Variants in NAV3 observed in about 807,000 individuals in gnomAD.
NAV3 encodes the protein pore membrane and/or filament interacting like protein 1.
Under a neutral mutation model 244.7 loss-of-function variants are expected in NAV3, and 87 were observed. That is an observed-to-expected ratio of 0.36 (90% CI 0.30 to 0.42). The LOEUF is 0.42. Among genes scored for constraint, NAV3 ranks in the 20% least tolerant of loss-of-function variants. NAV3 has a pLI of 1.00. For missense variants in NAV3, 2,663 were observed against 2,893.3 expected (o/e 0.92, Z 1.83); for synonymous variants, 1,126 against 1,042.2 (o/e 1.08, Z -1.55).
chr12:77,790,032 G>A (rs972513278), intron 2 of NAV3, among the ~76,000 whole-genome samples: 2 of 152,060 alleles, frequency 1.3e-5, no homozygotes, highest in African/African-American at 4.8e-5. Flanking sequence ...AACCTTTTGA[G>A]ACGTGGCAAG....
chr12:78,064,759 T>A (rs1884808296), intron 12 of NAV3, among the ~76,000 whole-genome samples: 1 of 152,070 alleles, frequency 6.6e-6, no homozygotes, highest in South Asian at 2.1e-4. Flanking sequence ...TAATCATATA[T>A]ATAATCTAGA....
chr12:78,034,697 T>G (rs555759083), intron 9 of NAV3, among the ~76,000 whole-genome samples: 1 of 152,188 alleles, frequency 6.6e-6, no homozygotes, highest in African/African-American at 2.4e-5. Flanking sequence ...ACATTGAAAT[T>G]TCATAATTTG....
chr12:77,963,611 C>A (rs1033970196), intron 3 of NAV3, among the ~76,000 whole-genome samples: 1 of 152,004 alleles, frequency 6.6e-6, no homozygotes, highest in Non-Finnish European at 1.5e-5. Flanking sequence ...AATGAACTAG[C>A]CTTTAATAGT....
intron 2 of NAV3, among the ~76,000 whole-genome samples, chr12:77,763,153 G>C (rs1012315527): frequency 6.6e-6 from 1 of 152,166 alleles, no homozygotes; most frequent in African/African-American, 2.4e-5. Context: ...CTGCCTCCAG[G>C]AGAGAAGAGG....
At chr12:77,969,409 T>A (rs1440167145) in intron 5 of NAV3, among the ~76,000 whole-genome samples, 1 of 152,158 alleles carries the variant, frequency 6.6e-6, no homozygotes, top group Non-Finnish European at 1.5e-5. Flanking sequence ...TGGTTTAGCA[T>A]GATTGAGCAT....
intron 2 of NAV3, among the ~76,000 whole-genome samples, chr12:77,675,539 C>T (rs1467948389): frequency 6.6e-6 from 1 of 152,190 alleles, no homozygotes; most frequent in African/African-American, 2.4e-5. Context: ...AGATTAGATT[C>T]CCATTTGACT....
intron 11 of NAV3, among the ~76,000 whole-genome samples, chr12:78,053,796 A>G (rs1883109153): frequency 6.6e-6 from 1 of 152,210 alleles, no homozygotes; most frequent in South Asian, 2.1e-4. Flanking sequence ...GAAACGTCTG[A>G]GACTCATTTT....
At chr12:77,995,890 C>A (rs1301028069) in intron 6 of NAV3, among the ~76,000 whole-genome samples, 1 of 151,958 alleles carries the variant, frequency 6.6e-6, no homozygotes, top group African/African-American at 2.4e-5. Flanking sequence ...TTTTTAAGTA[C>A]TGTATTTTGA....
intron 2 of NAV3, among the ~76,000 whole-genome samples, chr12:77,801,416 G>A (rs1022155081): frequency 1.6e-4 from 24 of 151,910 alleles, no homozygotes; most frequent in Admixed American, 2.6e-4. Flanking sequence ...TAACATTTAT[G>A]TGCATCTCTC....
intron 2 of NAV3, 27 bp downstream of exon 2, chr12:77,940,463 A>T: frequency 1.3e-6 from 2 of 1,566,116 alleles, no homozygotes; most frequent in Middle Eastern, 3.4e-4. Context: ...GAAAGAAAGC[A>T]TGAAAGTCTC....
intron 2 of NAV3, among the ~76,000 whole-genome samples, chr12:77,728,778 G>T (rs143812066): frequency 1.2e-3 from 188 of 151,768 alleles, no homozygotes; most frequent in African/African-American, 3.9e-3. Flanking sequence ...AACTACACGG[G>T]TCCACTTATA....
intron 2 of NAV3, among the ~76,000 whole-genome samples, chr12:77,940,707 A>G (rs1889787462): frequency 6.6e-6 from 1 of 152,222 alleles, no homozygotes; most frequent in African/African-American, 2.4e-5. Flanking sequence ...TGAATGCTTC[A>G]TTAAACCATA....
rs760011311 is a variant in NAV3 at position 78,188,239 on chromosome 12, C to A, written c.5791-9C>A. ...GGATTTTATCTTACTTTATTTTGTT[C>A]TTATTTAGGACCAAAAATCTCAGGC... On this transcript the variant is annotated splice_polypyrimidine_tract_variant and intron_variant, in intron 31 of 39. Transcript: ENST00000397909. 3 of 1,590,768 alleles carry A rather than the reference C, an allele frequency of 1.9e-6. No individual in the cohort carries two copies. The highest frequency in any genetic ancestry group is 1.1e-5 in the South Asian group (1 of 88,404).
intron 1 of NAV3, among the ~76,000 whole-genome samples, chr12:77,837,372 C>T (rs1255633328): frequency 6.6e-6 from 1 of 151,984 alleles, no homozygotes; most frequent in Non-Finnish European, 1.5e-5. Context: ...CCAAATGACA[C>T]TGGTAATGAT....
At chr12:78,168,487 G>C (rs989949226) in intron 23 of NAV3, among the ~76,000 whole-genome samples, 4 of 151,576 alleles carry the variant, frequency 2.6e-5, no homozygotes, top group Non-Finnish European at 4.4e-5. Context: ...GGTGAGTTCT[G>C]GGTGCCACCT....
At chr12:78,100,187 T>C (rs1363497667) in intron 12 of NAV3, among the ~76,000 whole-genome samples, 1 of 151,930 alleles carries the variant, frequency 6.6e-6, no homozygotes, top group East Asian at 1.9e-4. Flanking sequence ...TAACCTTATG[T>C]TTATATGAAT....
chr12:78,084,164 T>C (rs1196191586), intron 12 of NAV3, among the ~76,000 whole-genome samples: 1 of 152,196 alleles, frequency 6.6e-6, no homozygotes, highest in Non-Finnish European at 1.5e-5. Context: ...TAACAAATAA[T>C]TCACAACTAT....
chr12:77,766,735 G>GTTTGTTTGTTTTTTTTTTTTTTTTTTTT, intron 2 of NAV3, among the ~76,000 whole-genome samples: 1 of 60,516 alleles, frequency 1.7e-5, no homozygotes, highest in Non-Finnish European at 3.0e-5. Context: ...AGGCAATTAA[G>GTTTGTTTGTTTTTTTTTTTTTTTTTTTT]TTTTTTTTTT....
intron 1 of NAV3, among the ~76,000 whole-genome samples, chr12:77,927,858 G>A (rs964591745): frequency 2.6e-5 from 4 of 152,074 alleles, no homozygotes; most frequent in Admixed American, 2.0e-4. Flanking sequence ...ATTTCTGCCA[G>A]AGTGTTTGAT....
Sources: gnomAD v4.1 joint callset for allele counts (sites outside exome capture counted in the v4.1 genomes callset) on GRCh38, gnomAD v4.1.1 for gene constraint, MANE v1.5 for transcripts, NCBI Gene and HGNC (gene_info 2026-07-23, HGNC 2026-07-21) for gene names.